The following DCT variants were observed in gnomAD, a reference collection of about 807,000 sequenced individuals.
The protein encoded by DCT is L-dopachrome tautomerase.
A neutral mutation model predicts 53.0 loss-of-function variants in DCT; 47 were observed. That is an observed-to-expected ratio of 0.89 (90% CI 0.70 to 1.13). The LOEUF (loss-of-function observed/expected upper bound fraction) is 1.13. DCT is among the 50% of genes most tolerant of loss of function. DCT has a pLI of 0.00. For missense variants in DCT, 669 were observed against 637.4 expected (o/e 1.05, Z -0.53); for synonymous variants, 244 against 237.0 (o/e 1.03, Z -0.27).
the DCT span, among the ~76,000 whole-genome samples, chr13:94,538,662 G>A: frequency 3.9e-4 from 59 of 152,282 alleles, no homozygotes; most frequent in Non-Finnish European, 5.9e-4. Flanking sequence ...AGCCAGGTTC[G>A]TTCAGGTTAT....
At chr13:94,483,386 G>C (rs1240643058), upstream of DCT, among the ~76,000 whole-genome samples, 1 of 151,110 alleles carries the variant, frequency 6.6e-6, no homozygotes, top group African/African-American at 2.4e-5. Flanking sequence ...AAAGCCTTTG[G>C]TAACCCAGTC....
At chr13:94,462,502 GA>G (rs113354694) in intron 4 of DCT, among the ~76,000 whole-genome samples, 5,469 of 132,932 alleles carry the variant, frequency 0.041, 329 homozygotes, top group African/African-American at 0.14. Flanking sequence ...CCTGTCTCAA[GA>G]AAAAAAAAAA....
chr13:94,505,132 G>A, the DCT span, among the ~76,000 whole-genome samples: 1 of 151,410 alleles, frequency 6.6e-6, no homozygotes, highest in Admixed American at 6.6e-5. Context: ...TTTTGTCACA[G>A]AAATACTCTT....
At chr13:94,545,555 C>T in the DCT span, among the ~76,000 whole-genome samples, 8 of 152,072 alleles carry the variant, frequency 5.3e-5, no homozygotes, top group Admixed American at 3.3e-4. Flanking sequence ...TGCCGGCTCC[C>T]AGTTAGCTAA....
At chr13:94,452,501 A>T in intron 6 of DCT, 1 of 651,686 alleles carries the variant, frequency 1.5e-6, no homozygotes, top group Non-Finnish European at 2.7e-6. Flanking sequence ...CACAGGTATT[A>T]GGAGGGAATA....
At chr13:94,536,457 G>A in the DCT span, among the ~76,000 whole-genome samples, 10 of 152,270 alleles carry the variant, frequency 6.6e-5, no homozygotes, top group African/African-American at 2.4e-4. Context: ...GTGGGGCCTG[G>A]TGGGAGGTGT....
the DCT span, among the ~76,000 whole-genome samples, chr13:94,511,772 T>C: frequency 6.6e-6 from 1 of 151,958 alleles, no homozygotes; most frequent in African/African-American, 2.4e-5. Context: ...CATGTTCTCA[T>C]ACCATAGGTG....
the DCT span, among the ~76,000 whole-genome samples, chr13:94,490,748 GT>G: frequency 3.5e-5 from 5 of 144,032 alleles, no homozygotes; most frequent in Non-Finnish European, 7.7e-5. Flanking sequence ...TGTAAATTTT[GT>G]TGTAATGAAT....
chr13:94,503,261 T>A, the DCT span, among the ~76,000 whole-genome samples: 1 of 151,760 alleles, frequency 6.6e-6, no homozygotes, highest in Non-Finnish European at 1.5e-5. Flanking sequence ...ATGCCTGTAG[T>A]CCCAGCTACT....
At chr13:94,533,679 G>C in the DCT span, among the ~76,000 whole-genome samples, 9 of 152,130 alleles carry the variant, frequency 5.9e-5, no homozygotes, top group African/African-American at 2.2e-4. Flanking sequence ...CAGCTACTTG[G>C]GAGGCTGAGG....
At chr13:94,514,497 G>A in the DCT span, among the ~76,000 whole-genome samples, 1 of 152,220 alleles carries the variant, frequency 6.6e-6, no homozygotes, top group East Asian at 1.9e-4. Context: ...GTCACTGGAA[G>A]GTTCTGAGTG....
At chr13:94,496,950 G>A in the DCT span, among the ~76,000 whole-genome samples, 1 of 152,118 alleles carries the variant, frequency 6.6e-6, no homozygotes, top group South Asian at 2.1e-4. Context: ...AGACTCACAG[G>A]GAACACGTTA....
chr13:94,536,370 C>A, the DCT span, among the ~76,000 whole-genome samples: 1 of 152,280 alleles, frequency 6.6e-6, no homozygotes, highest in South Asian at 2.1e-4. Context: ...AAGACCAACC[C>A]AGTGTAACCT....
intron 4 of DCT, among the ~76,000 whole-genome samples, chr13:94,462,791 C>T (rs979240977): frequency 6.6e-6 from 1 of 152,160 alleles, no homozygotes; most frequent in African/African-American, 2.4e-5. Context: ...AAGATGACTC[C>T]TATTGTGTGC....
the DCT span, among the ~76,000 whole-genome samples, chr13:94,489,773 C>T: frequency 3.3e-5 from 5 of 152,032 alleles, no homozygotes; most frequent in Non-Finnish European, 7.4e-5. Context: ...CACACACACA[C>T]ACACACACAC....
chr13:94,546,270 C>A, the DCT span, among the ~76,000 whole-genome samples: 6 of 152,118 alleles, frequency 3.9e-5, no homozygotes, highest in African/African-American at 1.4e-4. This position sits in a 1 kb window ranked among gnomAD's most constrained non-coding sequence, Gnocchi z 4.2. Flanking sequence ...GCAGACACAG[C>A]TGCCTAATCA....
the DCT span, among the ~76,000 whole-genome samples, chr13:94,532,648 C>A: frequency 1.3e-5 from 2 of 152,026 alleles, no homozygotes; most frequent in Non-Finnish European, 2.9e-5. Context: ...GAGTCAGGGG[C>A]TAGGGGAGGG....
At chr13:94,500,148 T>C in the DCT span, among the ~76,000 whole-genome samples, 4 of 152,178 alleles carry the variant, frequency 2.6e-5, no homozygotes, top group African/African-American at 7.2e-5. Context: ...TACCCTTTCA[T>C]CAACATCTCC....
chr13:94,537,964 T>A, the DCT span, among the ~76,000 whole-genome samples: 26 of 152,334 alleles, frequency 1.7e-4, 1 homozygote, highest in African/African-American at 5.5e-4. Context: ...TCAACAAAAA[T>A]GCATTGAGCA....
Sources: gnomAD v4.1 joint callset for allele counts (sites outside exome capture counted in the v4.1 genomes callset) on GRCh38, gnomAD v4.1.1 for gene constraint, Gnocchi (gnomAD v3.1) non-coding constraint, MANE v1.5 for transcripts, NCBI Gene and HGNC (gene_info 2026-07-23, HGNC 2026-07-21) for gene names.